The following PARD3 variants were observed in gnomAD, a reference collection of about 807,000 sequenced individuals.
The protein encoded by PARD3 is par-3 family cell polarity regulator.
Under a neutral mutation model 155.4 loss-of-function variants are expected in PARD3, and 75 were observed. The ratio of observed to expected loss-of-function variants is 0.48; its 90% CI spans 0.40 to 0.58. PARD3 has a LOEUF of 0.58. Ranked by LOEUF, PARD3 falls within the 20% of genes least tolerant of loss-of-function variation. The probability of loss-of-function intolerance (pLI) is 0.00; values close to 1 mark genes in which losing one functional copy is unlikely to be tolerated. For synonymous variants in PARD3, 576 were observed against 610.5 expected (o/e 0.94, Z 0.83); for missense variants, 1,642 against 1,721.7 (o/e 0.95, Z 0.82).
chr10:34,508,569 G>C (rs2081220832), intron 3 of PARD3, among the ~76,000 whole-genome samples: 1 of 152,090 alleles, frequency 6.6e-6, no homozygotes, highest in Non-Finnish European at 1.5e-5. Context: ...GAGTGAAAAA[G>C]TCATACACAA....
intron 5 of PARD3, among the ~76,000 whole-genome samples, chr10:34,411,098 G>C (rs1300977203): frequency 6.6e-6 from 1 of 152,136 alleles, no homozygotes; most frequent in Non-Finnish European, 1.5e-5. Context: ...CTTGCAAGTA[G>C]GATAAAATCT....
intron 5 of PARD3, among the ~76,000 whole-genome samples, chr10:34,410,764 A>G (rs1389130694): frequency 6.6e-6 from 1 of 152,190 alleles, no homozygotes; most frequent in African/African-American, 2.4e-5. Flanking sequence ...TTGCTTTTCA[A>G]AGATACCTCT....
Position 34,450,353 on chromosome 10 carries a change from G to A in PARD3, c.678C>T (p.His226=). Residue 226 remains histidine, a synonymous_variant, in exon 5 of 25, where the codon CAC becomes CAT. Transcript: ENST00000374788. ...TCTCCAGCCACTTGCCCACCATTGGGTGACTGGCACTCAGAGACGAGCGAG... is the reference window on the plus strand; with the variant it reads ...TCTCCAGCCACTTGCCCACCATTGGATGACTGGCACTCAGAGACGAGCGAG... ...DNARSSLSAS[H]PMVGKWLEKQ... 1.2e-6 allele frequency: 2 copies of A among 1,614,022 alleles called. No individual in the cohort carries two copies. The highest frequency in any genetic ancestry group is 1.1e-5 in the South Asian group (1 of 91,070).
At chr10:34,245,062 A>G (rs912662627) in intron 22 of PARD3, among the ~76,000 whole-genome samples, 1 of 143,324 alleles carries the variant, frequency 7.0e-6, no homozygotes, top group African/African-American at 2.9e-5. Flanking sequence ...AACACAGGGA[A>G]AAGTACAAAC....
At chr10:34,360,659 G>C (rs1157191013) in intron 12 of PARD3, among the ~76,000 whole-genome samples, 1 of 152,000 alleles carries the variant, frequency 6.6e-6, no homozygotes, top group African/African-American at 2.4e-5. Flanking sequence ...CTTTTTATGA[G>C]GAAATTCTGA....
chr10:34,122,055 G>C (rs1003848125), intron 23 of PARD3, among the ~76,000 whole-genome samples: 3 of 152,202 alleles, frequency 2.0e-5, no homozygotes, highest in Non-Finnish European at 4.4e-5. Flanking sequence ...GGAAGCTTGA[G>C]ATAAACCACT....
At chr10:34,316,106 C>T (rs1957988258) in intron 20 of PARD3, among the ~76,000 whole-genome samples, 1 of 152,092 alleles carries the variant, frequency 6.6e-6, no homozygotes, top group East Asian at 1.9e-4. Context: ...CTGTTGTTCA[C>T]ATTTTGCAAT....
intron 2 of PARD3, among the ~76,000 whole-genome samples, chr10:34,668,156 A>T (rs1280487129): frequency 6.6e-6 from 1 of 152,260 alleles, no homozygotes; most frequent in Non-Finnish European, 1.5e-5. Context: ...CTCATCTGCA[A>T]CAACTACAAA....
chr10:34,700,109 C>T (rs758278668), intron 1 of PARD3, among the ~76,000 whole-genome samples: 14 of 152,054 alleles, frequency 9.2e-5, no homozygotes, highest in East Asian at 1.9e-4. Flanking sequence ...CAGCAATAAA[C>T]GAGGGGCAGA....
intron 7 of PARD3, among the ~76,000 whole-genome samples, chr10:34,389,296 G>C (rs1005962500): frequency 7.4e-6 from 1 of 135,810 alleles, no homozygotes; most frequent in Non-Finnish European, 1.5e-5. Flanking sequence ...CACAAAGCGA[G>C]CCATTGAAAT....
chr10:34,241,001 G>A (rs1195243436), intron 22 of PARD3, among the ~76,000 whole-genome samples: 1 of 152,166 alleles, frequency 6.6e-6, no homozygotes. Context: ...CAGACACACA[G>A]CTTTACAGGA....
rs545883864 is a variant in PARD3 at position 34,430,650 on chromosome 10, T to C, written c.714+19667A>G. On this transcript the variant is annotated intron_variant, in intron 5 of 24. Coordinates refer to ENST00000374788, the MANE Select transcript of PARD3 (RefSeq NM_001184785.2). ...AAACTAAAATAGGAAACAATCAATA[T>C]TGCCAAAGTCACACAACTAAAAGAA... Among the ~76,000 whole-genome samples the C allele has an allele frequency of 7.1e-4, 108 of 152,346 alleles. 1 individual carries two copies. The highest frequency in any genetic ancestry group is 6.6e-3 in the South Asian group (32 of 4,834).
intron 3 of PARD3, among the ~76,000 whole-genome samples, chr10:34,474,784 T>C (rs2078599339): frequency 6.6e-6 from 1 of 152,208 alleles, no homozygotes; most frequent in African/African-American, 2.4e-5. Flanking sequence ...GATACAAATG[T>C]TGGTTTGTTT....
At chr10:34,683,681 G>C (rs1461144957) in intron 2 of PARD3, among the ~76,000 whole-genome samples, 1 of 151,976 alleles carries the variant, frequency 6.6e-6, no homozygotes, top group African/African-American at 2.4e-5. Context: ...GCAAAGTCTT[G>C]AGGGCTTTCG....
intron 2 of PARD3, among the ~76,000 whole-genome samples, chr10:34,614,228 TGA>T (rs2091103698): frequency 6.6e-6 from 1 of 152,188 alleles, no homozygotes; most frequent in Non-Finnish European, 1.5e-5. Context: ...CTACATGGGA[TGA>T]AGGACTAAAT....
chr10:34,409,134 C>A (rs112524636), intron 5 of PARD3, among the ~76,000 whole-genome samples: 1,939 of 152,224 alleles, frequency 0.013, 15 homozygotes, highest in Non-Finnish European at 0.019. Flanking sequence ...CATGAAATTT[C>A]CATTTCCCAG....
intron 24 of PARD3, among the ~76,000 whole-genome samples, chr10:34,115,705 T>G (rs1240678241): frequency 4.4e-5 from 4 of 90,754 alleles, no homozygotes; most frequent in Non-Finnish European, 1.0e-4. Flanking sequence ...CAATTTATAA[T>G]TTTTTTCTTT....
Position 34,317,185 on chromosome 10 carries a change from T to C in PARD3, c.2987A>G (p.Lys996Arg). ...CTTCTCCTTATCTCTATCTTTCTTC[T>C]TTTCTTTTCCAGTTTTATCCTTTTT... ...DRKKDKTGKE[K>R]KKDRDKEKDK... is the part of the protein sequence containing the mutation. Residue 996 changes from lysine to arginine, a missense_variant, in exon 20 of 25, where the codon AAG (lysine) becomes AGG (arginine). Transcript: ENST00000374788. The C allele has an allele frequency of 1.2e-6, 2 of 1,611,734 alleles. No individual in the cohort carries two copies. The highest frequency in any genetic ancestry group is 2.2e-5 in the South Asian group (2 of 90,542).
chr10:34,737,574 A>G (rs2094937624), intron 1 of PARD3, among the ~76,000 whole-genome samples: 1 of 152,166 alleles, frequency 6.6e-6, no homozygotes, highest in African/African-American at 2.4e-5. Flanking sequence ...TCATGCTGAA[A>G]CTTAATCCCC....
Sources: gnomAD v4.1 joint callset for allele counts (sites outside exome capture counted in the v4.1 genomes callset) on GRCh38, gnomAD v4.1.1 for gene constraint, MANE v1.5 for transcripts, NCBI Gene and HGNC (gene_info 2026-07-23, HGNC 2026-07-21) for gene names.